Variants in SOS2 observed in about 807,000 individuals in gnomAD.
SOS2 encodes SOS Ras/Rho guanine nucleotide exchange factor 2, also known as son of sevenless homolog 2.
Under a neutral mutation model 148.2 loss-of-function variants are expected in SOS2, and 65 were observed. The observed-to-expected ratio is 0.44, with a 90% CI of 0.36 to 0.54. SOS2 has a LOEUF of 0.54. Ranked by LOEUF, SOS2 falls within the 20% of genes least tolerant of loss-of-function variation. The pLI is 0.00. For synonymous variants in SOS2, 539 were observed against 537.1 expected, an observed-to-expected ratio of 1.00 and a Z score of -0.05; for missense variants, 1,341 against 1,590.2, an observed-to-expected ratio of 0.84 and a Z score of 2.67.
At chr14:50,121,531 A>C (rs57399471) in intron 21 of SOS2, among the ~76,000 whole-genome samples, 158 of 6,978 alleles carry the variant, frequency 0.023, 8 homozygotes, top group Admixed American at 0.048. Context: ...TTCCTGGGGG[A>C]GGGGGGGGAG....
rs1887543353 is a variant in SOS2, at chr14:50,231,425, G to C, written c.-142C>G. The C allele has an allele frequency of 6.1e-6, 1 of 162,728 alleles. No individual in the cohort carries two copies. Among genetic ancestry groups the C allele is most frequent in the Non-Finnish European group, 1.3e-5 (1 of 79,600 alleles). 10.1% of individuals were successfully genotyped at this position (162,728 alleles called of 1,614,324 possible). ...AGGCTACGGCCGAGGCGGCTCGGAG[G>C]CGGCGCCGGCGGGCTGGCGGAGACC... On this transcript the variant is annotated 5_prime_UTR_variant, in exon 1 of 23. Coordinates refer to ENST00000216373, the MANE Select transcript of SOS2 (RefSeq NM_006939.4).
rs773256688 is a variant in SOS2 at position 50,231,187 on chromosome 14, T to G, written c.87+10A>C. ...GGCCACCCGCCGGCCGCCCCGCCCCTAGCACTGACCTTCCGCAGGGCCGAG... is the reference window on the plus strand; with the variant it reads ...GGCCACCCGCCGGCCGCCCCGCCCCGAGCACTGACCTTCCGCAGGGCCGAG... On this transcript the variant is annotated intron_variant, in intron 1 of 22. Coordinates refer to ENST00000216373, the MANE Select transcript of SOS2 (RefSeq NM_006939.4). 6.9e-7 allele frequency: 1 copy of G among 1,450,984 alleles called. No individual in the cohort carries two copies. The highest frequency in any genetic ancestry group is 9.2e-7 in the Non-Finnish European group (1 of 1,082,602). 89.9% of individuals were successfully genotyped at this position (1,450,984 alleles called of 1,614,324 possible).
chr14:50,160,162 AAGTG>A (rs1730851375), intron 9 of SOS2, 76 bp from the exon 10 acceptor site: 1 of 1,105,564 alleles, frequency 9.0e-7, no homozygotes, highest in South Asian at 1.5e-5. Flanking sequence ...ATCTCAAATC[AAGTG>A]AGTAAAATAT....
At position 50,149,896 on chromosome 14, in the gene SOS2, A is replaced by G. The variant is rs563372664; in HGVS notation, c.2384+112T>C. ...CTATGACCTTTCCTCTAAGCCCATG[A>G]GAGTAGATGAGGTATTTTTAAGCAC... On this transcript the variant is annotated intron_variant, in intron 14 of 22. Coordinates refer to ENST00000216373, the MANE Select transcript of SOS2 (RefSeq NM_006939.4). 6.4e-5 allele frequency: 48 copies of G among 755,182 alleles called. No homozygotes were observed. The East Asian group carries it at 1.1e-3, about 17-fold the overall frequency. 46.8% of individuals were successfully genotyped at this position (755,182 alleles called of 1,614,324 possible).
chr14:50,191,026 C>T (rs1194926982), intron 4 of SOS2, among the ~76,000 whole-genome samples: 3 of 152,184 alleles, frequency 2.0e-5, no homozygotes, highest in South Asian at 2.1e-4. Flanking sequence ...TAACTTCTTG[C>T]TCCCATTCAC....
chr14:50,142,071 G>A (rs1041271810), intron 16 of SOS2, among the ~76,000 whole-genome samples: 4 of 150,784 alleles, frequency 2.7e-5, no homozygotes, highest in South Asian at 2.1e-4. Flanking sequence ...GCAGTGGTGC[G>A]ATCTCGGCTC....
At chr14:50,135,598 C>G (rs1884050183) in intron 18 of SOS2, among the ~76,000 whole-genome samples, 1 of 122,138 alleles carries the variant, frequency 8.2e-6, no homozygotes, top group South Asian at 2.5e-4. Flanking sequence ...CAATTTTAAT[C>G]TTTCTGAAGT....
intron 8 of SOS2, among the ~76,000 whole-genome samples, chr14:50,168,522 T>C (rs1436320897): frequency 6.6e-6 from 1 of 152,216 alleles, no homozygotes; most frequent in East Asian, 1.9e-4. Context: ...GTGCCTCGCC[T>C]ATATACCTTC....
intron 13 of SOS2, among the ~76,000 whole-genome samples, chr14:50,152,793 C>T (rs533295218): frequency 1.3e-5 from 2 of 151,954 alleles, no homozygotes; most frequent in African/African-American, 2.4e-5. Context: ...GGTGAAATAC[C>T]ATCTCTACTA....
In SOS2 at chr14:50,220,620, C is replaced by T. The variant is rs112982763; in HGVS notation, c.87+10577G>A. 9.4e-3 allele frequency among the ~76,000 whole-genome samples: 1,425 copies of T among 152,174 alleles called. 14 individuals are homozygous for T. The highest frequency in any genetic ancestry group is 0.014 in the Non-Finnish European group (931 of 68,018). Reference sequence around the variant, plus strand: ...AACATTATAAATGAAGGAATTCCCTCTCTTACGTTTCTCTATTCCTCCCAC... The same window carrying T: ...AACATTATAAATGAAGGAATTCCCTTTCTTACGTTTCTCTATTCCTCCCAC... On this transcript the variant is annotated intron_variant, in intron 1 of 22. Coordinates refer to ENST00000216373, the MANE Select transcript of SOS2 (RefSeq NM_006939.4).
chr14:50,157,501 G>C (rs898627941), intron 11 of SOS2, among the ~76,000 whole-genome samples: 1 of 152,062 alleles, frequency 6.6e-6, no homozygotes, highest in Non-Finnish European at 1.5e-5. Flanking sequence ...CAAATTCAAA[G>C]AGAGGGCCAA....
chr14:50,197,316 C>A (rs1886340313), intron 4 of SOS2, among the ~76,000 whole-genome samples: 2 of 152,172 alleles, frequency 1.3e-5, no homozygotes, highest in Non-Finnish European at 2.9e-5. Context: ...AGTAACTTCA[C>A]AGATGAAAAG....
intron 18 of SOS2, among the ~76,000 whole-genome samples, chr14:50,138,396 A>G (rs1884155995): frequency 6.6e-6 from 1 of 152,026 alleles, no homozygotes; most frequent in Non-Finnish European, 1.5e-5. Context: ...CCTGATCTCA[A>G]GCGATCCGCC....
chr14:50,131,833 G>A (rs982743929), intron 19 of SOS2, among the ~76,000 whole-genome samples: 12 of 152,044 alleles, frequency 7.9e-5, no homozygotes, highest in Non-Finnish European at 1.3e-4. Context: ...AGCCAATGGC[G>A]GCAGATCATC....
intron 19 of SOS2, 142 bp downstream of exon 19, chr14:50,133,979 CCA>C (rs1883991852): frequency 3.1e-6 from 2 of 635,576 alleles, no homozygotes; most frequent in South Asian, 1.8e-5. Flanking sequence ...ATTTCCCCCC[CCA>C]GTTTTAGAAA....
intron 5 of SOS2, among the ~76,000 whole-genome samples, chr14:50,184,019 T>C (rs994345614): frequency 6.6e-6 from 1 of 152,232 alleles, no homozygotes; most frequent in Non-Finnish European, 1.5e-5. Context: ...TATGGAATAC[T>C]GTAGGTAACT....
At chr14:50,224,312 T>TACACACACACACAC in intron 1 of SOS2, among the ~76,000 whole-genome samples, 1 of 53,282 alleles carries the variant, frequency 1.9e-5, no homozygotes, top group East Asian at 9.9e-4. Flanking sequence ...AAAATATATA[T>TACACACACACACAC]ATACACACAC....
rs1320868632 is a variant in SOS2 at position 50,231,320 on chromosome 14, C to A, written c.-37G>T. 6 of 1,250,404 alleles carry A rather than the reference C, an allele frequency of 4.8e-6. No individual in the cohort carries two copies. The highest frequency in any genetic ancestry group is 3.2e-5 in the East Asian group (1 of 30,782). The allele number at this position is 1,250,404 out of a possible 1,614,324, so 77.5% of individuals were successfully genotyped here. On this transcript the variant is annotated 5_prime_UTR_variant, in exon 1 of 23. Coordinates refer to ENST00000216373, the MANE Select transcript of SOS2 (RefSeq NM_006939.4). The stretch of plus-strand genomic sequence containing the variant: ...CAGCGCCTCCGCATCGGGGGCAGCC[C>A]GCGGGCCGGGCCGGTGGCCTGACAG...
chr14:50,210,173 T>C (rs1886821427), intron 1 of SOS2, among the ~76,000 whole-genome samples: 1 of 152,212 alleles, frequency 6.6e-6, no homozygotes, highest in Non-Finnish European at 1.5e-5. Context: ...TAATGAAGAA[T>C]GTGACAATGG....
Sources: allele counts gnomAD v4.1 joint callset (sites outside exome capture counted in the v4.1 genomes callset), GRCh38; gene constraint gnomAD v4.1.1; transcripts MANE v1.5; gene names NCBI Gene and HGNC (gene_info 2026-07-23, HGNC 2026-07-21).